HLCS: variants seen among roughly 807,000 people sequenced by gnomAD.
HLCS encodes the protein biotin--protein ligase.
Under a neutral mutation model 75.0 loss-of-function variants are expected in HLCS, and 53 were observed. The observed-to-expected ratio is 0.71, with a 90% CI of 0.57 to 0.89. The LOEUF is 0.89. HLCS is among the 40% of genes least tolerant of loss of function. HLCS has a pLI of 0.00. For missense variants in HLCS, 966 were observed against 1,074.0 expected (o/e 0.90, Z 1.41); for synonymous variants, 431 against 428.6 (o/e 1.01, Z -0.07).
upstream of HLCS, among the ~76,000 whole-genome samples, chr21:36,968,397 G>C (rs1360671434): frequency 6.6e-6 from 1 of 152,162 alleles, no homozygotes; most frequent in Non-Finnish European, 1.5e-5. Context: ...AGATAACATA[G>C]TATATTTTCC....
intron 6 of HLCS, among the ~76,000 whole-genome samples, chr21:36,832,177 A>G (rs965016310): frequency 2.6e-5 from 4 of 152,192 alleles, no homozygotes; most frequent in Non-Finnish European, 5.9e-5. Context: ...CCTCTGTCCT[A>G]TTACTGGGCA....
chr21:36,900,496 C>T (rs1271541841), intron 5 of HLCS, among the ~76,000 whole-genome samples: 2 of 152,072 alleles, frequency 1.3e-5, no homozygotes, highest in Non-Finnish European at 2.9e-5. Flanking sequence ...GTCCACATCG[C>T]GGAGGGCCTC....
At position 36,896,498 on chromosome 21, in the gene HLCS, A is replaced by G; in HGVS notation, c.1892+362T>C. The G allele has an allele frequency of 9.7e-6, 3 of 308,640 alleles. No individual in the cohort carries two copies. In the South Asian group the frequency reaches 1.1e-4, roughly 11 times the overall value. The allele number at this position is 308,640 out of a possible 1,614,324, so 19.1% of individuals were successfully genotyped here. ...GCCCCTGAAAAACATCCTGTATTAA[A>G]TGTCTAACACTGATTGTAACTGCAC... On this transcript the variant is annotated intron_variant, in intron 6 of 10. Coordinates refer to ENST00000674895, the MANE Select transcript of HLCS (RefSeq NM_001352514.2).
At chr21:36,787,299 T>A (rs2060718045) in intron 6 of HLCS, among the ~76,000 whole-genome samples, 1 of 152,010 alleles carries the variant, frequency 6.6e-6, no homozygotes, top group African/African-American at 2.4e-5. Context: ...TGGTAGGCCA[T>A]TTGCACTCCA....
At chr21:36,923,345 GCCGTTTC>G (rs1399828031) in intron 5 of HLCS, among the ~76,000 whole-genome samples, 3 of 152,062 alleles carry the variant, frequency 2.0e-5, no homozygotes, top group African/African-American at 7.2e-5. Flanking sequence ...TCCAAAAGAG[GCCGTTTC>G]CCATCCACAA....
chr21:36,770,106 G>T (rs986512776), intron 6 of HLCS, among the ~76,000 whole-genome samples: 2 of 146,326 alleles, frequency 1.4e-5, no homozygotes, highest in South Asian at 2.2e-4. Flanking sequence ...GCATTGGTAT[G>T]TCAAATTAAA....
At chr21:36,807,783 C>T (rs1212143017) in intron 6 of HLCS, among the ~76,000 whole-genome samples, 1 of 152,056 alleles carries the variant, frequency 6.6e-6, no homozygotes, top group Non-Finnish European at 1.5e-5. Flanking sequence ...CTGATCAGTG[C>T]CTGAATGTTC....
chr21:36,963,726 T>C (rs1186216622), intron 1 of HLCS, among the ~76,000 whole-genome samples: 1 of 152,122 alleles, frequency 6.6e-6, no homozygotes, highest in African/African-American at 2.4e-5. Flanking sequence ...CACTCTAGCC[T>C]GGGCAACAAG....
chr21:36,835,960 A>G (rs558159767), intron 6 of HLCS, among the ~76,000 whole-genome samples: 3 of 151,940 alleles, frequency 2.0e-5, no homozygotes. Context: ...GGCCTTCTAC[A>G]CCCCACCACC....
intron 6 of HLCS, among the ~76,000 whole-genome samples, chr21:36,885,428 G>A (rs1183552827): frequency 6.6e-6 from 1 of 151,660 alleles, no homozygotes; most frequent in Non-Finnish European, 1.5e-5. Flanking sequence ...GGATCACTTG[G>A]GCCCAGGAAG....
chr21:36,887,337 A>C (rs906706802), intron 6 of HLCS, among the ~76,000 whole-genome samples: 2 of 152,216 alleles, frequency 1.3e-5, no homozygotes, highest in African/African-American at 4.8e-5. Context: ...GGGACGGCTC[A>C]GTTCTAATGA....
At chr21:36,786,769 G>A (rs1298796859) in intron 6 of HLCS, among the ~76,000 whole-genome samples, 3 of 152,334 alleles carry the variant, frequency 2.0e-5, no homozygotes, top group Admixed American at 6.5e-5. Flanking sequence ...TGAATTAAAT[G>A]ACATATTAGC....
At position 36,759,830 on chromosome 21, in the gene HLCS, T is replaced by G; in HGVS notation, c.2133A>C (p.Leu711Phe). 1 of 1,604,488 alleles carries G rather than the reference T, an allele frequency of 6.2e-7. No individual in the cohort carries two copies. Among genetic ancestry groups the G allele is most frequent in the Non-Finnish European group, 8.5e-7 (1 of 1,171,204 alleles). ...AAATATCGTTGGGCCACTTCACTCG[T>G]AAGTTGATATCCTAAAGGGAAATCT... ...RSIPEYQDIN[L>F]RVKWPNDIYY... Residue 711 changes from leucine (L) to phenylalanine (F), a missense_variant, in exon 9 of 11, where the codon TTA (leucine) becomes TTC (phenylalanine). Coordinates refer to ENST00000674895, the MANE Select transcript of HLCS (RefSeq NM_001352514.2).
chr21:36,792,458 G>T (rs551583964), intron 6 of HLCS, among the ~76,000 whole-genome samples: 1 of 150,166 alleles, frequency 6.7e-6, no homozygotes, highest in Non-Finnish European at 1.5e-5. Context: ...AAGGAGAAGG[G>T]GGGGAGGGAA....
intron 6 of HLCS, among the ~76,000 whole-genome samples, chr21:36,795,218 G>A (rs1455706430): frequency 2.0e-5 from 3 of 152,158 alleles, no homozygotes; most frequent in Non-Finnish European, 4.4e-5. Context: ...GAAGCATGGT[G>A]ACCAAGCCAT....
chr21:36,917,786 A>C (rs1189605326), intron 5 of HLCS, among the ~76,000 whole-genome samples: 3 of 152,104 alleles, frequency 2.0e-5, no homozygotes, highest in Non-Finnish European at 2.9e-5. Flanking sequence ...GTTGGCTCTC[A>C]TGCTGAAAGC....
chr21:36,853,824 T>C (rs537725503), intron 6 of HLCS, among the ~76,000 whole-genome samples: 2 of 152,304 alleles, frequency 1.3e-5, no homozygotes, highest in African/African-American at 4.8e-5. Context: ...ATTTTTGGCA[T>C]ATAACTTGTA....
At chr21:36,976,117 A>G (rs1405285666) in intron 1 of HLCS, among the ~76,000 whole-genome samples, 2 of 152,170 alleles carry the variant, frequency 1.3e-5, no homozygotes, top group Non-Finnish European at 2.9e-5. Context: ...AAAAATAGAA[A>G]TGAAACTCAA....
intron 2 of HLCS, among the ~76,000 whole-genome samples, chr21:36,940,310 GATAA>G (rs2067085554): frequency 6.6e-6 from 1 of 152,078 alleles, no homozygotes; most frequent in Non-Finnish European, 1.5e-5. Flanking sequence ...CATAATTATA[GATAA>G]ATAATTTTTT....
Sources: gnomAD v4.1 joint callset for allele counts (sites outside exome capture counted in the v4.1 genomes callset) on GRCh38, gnomAD v4.1.1 for gene constraint, MANE v1.5 for transcripts, NCBI Gene and HGNC (gene_info 2026-07-23, HGNC 2026-07-21) for gene names.